The following PRKN variants were observed in gnomAD, a reference collection of about 807,000 sequenced individuals.
The protein encoded by PRKN is parkin RBR E3 ubiquitin protein ligase, also known as E3 ubiquitin-protein ligase parkin.
PRKN carries 56 observed loss-of-function variants against 59.5 expected under a neutral mutation model. The ratio of observed to expected loss-of-function variants is 0.94; its 90% CI spans 0.76 to 1.18. The LOEUF is 1.18. PRKN is among the 50% of genes most tolerant of loss of function. The probability of loss-of-function intolerance (pLI) is 0.00; values close to 1 mark genes in which losing one functional copy is unlikely to be tolerated. For missense variants in PRKN, 657 were observed against 596.4 expected (o/e 1.10, Z -1.06); for synonymous variants, 250 against 222.1 (o/e 1.13, Z -1.12).
chr6:161,786,748 G>A (rs978552637), intron 6 of PRKN, among the ~76,000 whole-genome samples: 1 of 152,014 alleles, frequency 6.6e-6, no homozygotes, highest in Non-Finnish European at 1.5e-5. Context: ...AGAATTTAGG[G>A]ATAAAAGGTT....
intron 1 of PRKN, among the ~76,000 whole-genome samples, chr6:162,604,618 T>C (rs1407920668): frequency 6.6e-6 from 1 of 151,512 alleles, no homozygotes; most frequent in Non-Finnish European, 1.5e-5. Context: ...CCCCTACATA[T>C]GAAGTCTCTG....
chr6:162,506,321 A>G (rs1793607606), intron 1 of PRKN, among the ~76,000 whole-genome samples: 1 of 151,854 alleles, frequency 6.6e-6, no homozygotes, highest in South Asian at 2.1e-4. Flanking sequence ...AAGAATTTCT[A>G]CTGAAGTCAA....
chr6:162,201,756 G>A (rs1784742239), intron 3 of PRKN, among the ~76,000 whole-genome samples: 2 of 152,100 alleles, frequency 1.3e-5, no homozygotes. Context: ...CTAACTCACA[G>A]TCACACATAA....
intron 9 of PRKN, among the ~76,000 whole-genome samples, chr6:161,489,808 G>T (rs1016782383): frequency 6.6e-6 from 1 of 152,200 alleles, no homozygotes; most frequent in Non-Finnish European, 1.5e-5. Flanking sequence ...AAGGAATGCT[G>T]TTAAAAACCA....
intron 6 of PRKN, among the ~76,000 whole-genome samples, chr6:161,798,471 G>C (rs921533724): frequency 1.3e-5 from 2 of 152,144 alleles, no homozygotes; most frequent in African/African-American, 2.4e-5. Context: ...TGGATATAGA[G>C]GTATTGCCAT....
At chr6:161,492,334 C>T (rs1446986061) in intron 9 of PRKN, among the ~76,000 whole-genome samples, 1 of 152,028 alleles carries the variant, frequency 6.6e-6, no homozygotes, top group Non-Finnish European at 1.5e-5. Context: ...TGGTCTTGGA[C>T]AAGACCAAGA....
intron 4 of PRKN, among the ~76,000 whole-genome samples, chr6:162,175,020 A>G (rs913308242): frequency 1.3e-5 from 2 of 152,200 alleles, no homozygotes; most frequent in Non-Finnish European, 2.9e-5. Context: ...AGGCTCTACT[A>G]AAGAGACAAG....
rs565935527 is a variant in PRKN at position 162,216,524 on chromosome 6, G to C, written c.413-15272C>G. ...CGCAGTCCGGCCTGGGCGACAGAGC[G>C]AGACTCCGTCTCAAAAAAAAAAAAA... On this transcript the variant is annotated intron_variant, in intron 3 of 11. Coordinates refer to ENST00000366898, the MANE Select transcript of PRKN (RefSeq NM_004562.3). 4.6e-3 allele frequency among the ~76,000 whole-genome samples: 534 copies of C among 116,316 alleles called. 4 individuals are homozygous for C. Among genetic ancestry groups the C allele is most frequent in the African/African-American group, 0.016 (480 of 29,744 alleles). The allele number at this position is 116,316 out of a possible 152,430, so 76.3% of individuals were successfully genotyped here.
chr6:162,393,155 C>CT (rs1177332315), intron 2 of PRKN, among the ~76,000 whole-genome samples: 1,390 of 80,152 alleles, frequency 0.017, 145 homozygotes, highest in East Asian at 0.13. Flanking sequence ...ATAGGAGATT[C>CT]TTTTTTTTTT....
chr6:162,423,826 C>T (rs1203831082), intron 2 of PRKN, among the ~76,000 whole-genome samples: 1 of 151,936 alleles, frequency 6.6e-6, no homozygotes, highest in Admixed American at 6.6e-5. Context: ...CAGTGCCTAC[C>T]CACTGGATAA....
At chr6:162,044,200 T>G (rs1245215172) in intron 5 of PRKN, among the ~76,000 whole-genome samples, 1 of 152,234 alleles carries the variant, frequency 6.6e-6, no homozygotes, top group Non-Finnish European at 1.5e-5. Flanking sequence ...ACAACCATAC[T>G]ACAGACTTCG....
In PRKN at chr6:161,396,619, C is replaced by G. The variant is rs575395090; in HGVS notation, c.1084-9742G>C. Among the ~76,000 whole-genome samples the G allele has an allele frequency of 6.6e-6, 1 of 152,286 alleles. No homozygotes were observed. Among genetic ancestry groups the G allele is most frequent in the South Asian group, 2.1e-4 (1 of 4,826 alleles). On this transcript the variant is annotated intron_variant, in intron 9 of 11. Transcript: ENST00000366898. This position sits in a 1 kb window ranked among gnomAD's most constrained non-coding sequence, Gnocchi z 5.4. ...GTCTTCTATAATTTTTAACTGGTCC[C>G]TAATCCTCGTGACCTTATCATTTAC...
intron 2 of PRKN, among the ~76,000 whole-genome samples, chr6:162,400,956 T>C (rs1376758773): frequency 6.6e-6 from 1 of 152,212 alleles, no homozygotes. Flanking sequence ...TAAGCAATTC[T>C]TGAATAAAAT....
At chr6:161,649,151 G>A (rs1784063631) in intron 7 of PRKN, among the ~76,000 whole-genome samples, 1 of 152,202 alleles carries the variant, frequency 6.6e-6, no homozygotes, top group Non-Finnish European at 1.5e-5. Flanking sequence ...AAGACAGTGA[G>A]ACAATTCTTC....
At chr6:162,235,796 C>T (rs963500418) in intron 3 of PRKN, among the ~76,000 whole-genome samples, 2 of 149,270 alleles carry the variant, frequency 1.3e-5, no homozygotes, top group African/African-American at 5.0e-5. Context: ...GAGCAAGACT[C>T]TGTCTCAAAG....
At position 162,653,621 on chromosome 6, in the gene PRKN, A is replaced by G. The variant is rs986529817; in HGVS notation, c.7+74041T>C. ...GTCTGATCCTCAATTCCTTACATTC[A>G]CATTGAATTATTTATATGGTTATTT... On this transcript the variant is annotated intron_variant, in intron 1 of 11. Transcript: ENST00000366898. Among the ~76,000 whole-genome samples, 9 of 152,280 alleles carry G rather than the reference A, an allele frequency of 5.9e-5. No homozygotes were observed. The East Asian group carries it at 9.6e-4, about 16-fold the overall frequency.
intron 6 of PRKN, among the ~76,000 whole-genome samples, chr6:161,880,189 T>C (rs1794880428): frequency 6.6e-6 from 1 of 152,204 alleles, no homozygotes; most frequent in Admixed American, 6.5e-5. Context: ...AATTTCAATA[T>C]TTTATATTTT....
At chr6:162,579,416 G>GCACACA (rs35480393) in intron 1 of PRKN, among the ~76,000 whole-genome samples, 41 of 150,092 alleles carry the variant, frequency 2.7e-4, no homozygotes, top group South Asian at 6.3e-4. Flanking sequence ...ACAAGTTCAT[G>GCACACA]CACACACACA....
At chr6:162,366,903 ATAAAATAAATTTTAAAAAAT>A (rs1163785431) in intron 2 of PRKN, among the ~76,000 whole-genome samples, 1 of 152,186 alleles carries the variant, frequency 6.6e-6, no homozygotes, top group Non-Finnish European at 1.5e-5. Context: ...CCATCTCAAA[ATAAAATAAATTTTAAAAAAT>A]TAAAATGTTT....
Sources: gnomAD v4.1 joint callset for allele counts (sites outside exome capture counted in the v4.1 genomes callset) on GRCh38, gnomAD v4.1.1 for gene constraint, Gnocchi (gnomAD v3.1) non-coding constraint, MANE v1.5 for transcripts, NCBI Gene and HGNC (gene_info 2026-07-23, HGNC 2026-07-21) for gene names.